Variants in MYO18A observed in about 807,000 individuals in gnomAD.
MYO18A encodes the protein unconventional myosin-XVIIIa.
Under a neutral mutation model 235.8 loss-of-function variants are expected in MYO18A, and 78 were observed. The observed-to-expected ratio is 0.33, with a 90% CI of 0.28 to 0.40. MYO18A has a LOEUF of 0.40. Ranked by LOEUF, MYO18A falls within the 10% of genes least tolerant of loss-of-function variation. MYO18A has a pLI of 1.00. For synonymous variants in MYO18A, 977 were observed against 1,077.8 expected, an observed-to-expected ratio of 0.91 and a Z score of 1.83; for missense variants, 2,215 against 2,699.3, an observed-to-expected ratio of 0.82 and a Z score of 3.98.
chr17:29,133,241 C>G (rs7225149), intron 2 of MYO18A, among the ~76,000 whole-genome samples: 73,665 of 152,122 alleles, frequency 0.48, 18,612 homozygotes, highest in African/African-American at 0.64. Context: ...CTGACTCACT[C>G]CTCCCTCCCC....
At chr17:29,165,667 G>C (rs1332419132) in intron 2 of MYO18A, among the ~76,000 whole-genome samples, 1 of 152,182 alleles carries the variant, frequency 6.6e-6, no homozygotes, top group African/African-American at 2.4e-5. Flanking sequence ...GTTGAGAGAC[G>C]AAGGTGTGAC....
intron 2 of MYO18A, among the ~76,000 whole-genome samples, chr17:29,148,903 G>A (rs1309474461): frequency 6.6e-6 from 1 of 152,192 alleles, no homozygotes; most frequent in Non-Finnish European, 1.5e-5. Flanking sequence ...CCCAGGCCCG[G>A]GGCGGCACTT....
intron 15 of MYO18A, among the ~76,000 whole-genome samples, chr17:29,112,540 C>T (rs2066957224): frequency 6.6e-6 from 1 of 152,268 alleles, no homozygotes; most frequent in African/African-American, 2.4e-5. Flanking sequence ...ACTGGCCTAG[C>T]ATTGATAAAC....
chr17:29,154,166 T>TG (rs1361097314), intron 2 of MYO18A, among the ~76,000 whole-genome samples: 1 of 150,916 alleles, frequency 6.6e-6, no homozygotes, highest in African/African-American at 2.5e-5. Context: ...ATTCCTAAGC[T>TG]GGGTGTCCTG....
chr17:29,173,481 G>A (rs1393866423), intron 1 of MYO18A, among the ~76,000 whole-genome samples: 22 of 149,728 alleles, frequency 1.5e-4, no homozygotes, highest in African/African-American at 4.9e-4. Flanking sequence ...TCCGCCTCCC[G>A]GGTTCACGCC....
chr17:29,130,955 C>A (rs1457400570), intron 2 of MYO18A, among the ~76,000 whole-genome samples: 1 of 152,132 alleles, frequency 6.6e-6, no homozygotes, highest in Non-Finnish European at 1.5e-5. Context: ...CTTGTGCCAC[C>A]CAGAGCAGGC....
chr17:29,121,819 C>T lies in MYO18A; in HGVS notation c.1194+32G>A, dbSNP rs764491426. 9 of 1,612,486 alleles carry T rather than the reference C, an allele frequency of 5.6e-6. No homozygotes were observed. The Admixed American group carries it at 1.5e-4, about 27-fold the overall frequency. On this transcript the variant is annotated intron_variant, in intron 4 of 41. Coordinates refer to ENST00000527372, the MANE Select transcript of MYO18A (RefSeq NM_078471.4). This position sits in a 1 kb window ranked among gnomAD's most constrained non-coding sequence, Gnocchi z 4.2. The stretch of plus-strand genomic sequence containing the variant: ...CCCTGCCCAGTGCACTCCTGAGCCT[C>T]CTCCCCCACACCCAGCCCCCTGCCC...
At chr17:29,145,180 C>T (rs753106151) in intron 2 of MYO18A, among the ~76,000 whole-genome samples, 4 of 152,178 alleles carry the variant, frequency 2.6e-5, no homozygotes, top group Non-Finnish European at 5.9e-5. Context: ...TTTCCTACTT[C>T]CTTTATATCC....
chr17:29,119,612 G>T (rs1307863783), intron 7 of MYO18A, among the ~76,000 whole-genome samples, 177 bp from the exon 8 acceptor site: 6 of 150,580 alleles, frequency 4.0e-5, no homozygotes, highest in African/African-American at 1.5e-4. Context: ...CACTCAGGCT[G>T]GAGTGCAGTG....
chr17:29,118,006 AG>A lies in MYO18A; in HGVS notation c.2038+38del. ...GGGCAGGGTCCCTGTGAGGTCACCC[AG>A]GGGACAGGCCAGCCTACTGGGACCC... On this transcript the variant is annotated intron_variant, in intron 10 of 41. Coordinates refer to ENST00000527372, the MANE Select transcript of MYO18A (RefSeq NM_078471.4). This position sits in a 1 kb window ranked among gnomAD's most constrained non-coding sequence, Gnocchi z 4.2. 1.3e-6 allele frequency: 2 copies of A among 1,557,410 alleles called. No homozygotes were observed. The highest frequency in any genetic ancestry group is 1.2e-5 in the South Asian group (1 of 84,154).
chr17:29,174,528 T>A (rs1346081189), intron 1 of MYO18A, among the ~76,000 whole-genome samples: 1 of 151,656 alleles, frequency 6.6e-6, no homozygotes, highest in Non-Finnish European at 1.5e-5. Flanking sequence ...TAAAAAAAAA[T>A]AAAATGCTGG....
chr17:29,169,448 G>A (rs2068352531), intron 1 of MYO18A, among the ~76,000 whole-genome samples: 1 of 152,164 alleles, frequency 6.6e-6, no homozygotes, highest in Admixed American at 6.5e-5. Flanking sequence ...GCCTTGGCCA[G>A]GTAGGTCTGG....
At chr17:29,144,391 T>C (rs745370018) in intron 2 of MYO18A, among the ~76,000 whole-genome samples, 3 of 152,212 alleles carry the variant, frequency 2.0e-5, no homozygotes, top group Non-Finnish European at 2.9e-5. Context: ...CTACCTTGGC[T>C]GACCCTCTCC....
At chr17:29,091,730 A>ACCAGC (rs1179157801) in intron 34 of MYO18A, 2 of 453,214 alleles carry the variant, frequency 4.4e-6, no homozygotes, top group Non-Finnish European at 8.8e-6. Flanking sequence ...CCATGAAGCC[A>ACCAGC]CCAGCCCAGC....
Position 29,074,689 on chromosome 17 carries a change from C to T in MYO18A, c.*81G>A, listed in dbSNP as rs547713541. The T allele has an allele frequency of 2.0e-4, 300 of 1,494,468 alleles. No homozygotes were observed. Among genetic ancestry groups the T allele is most frequent in the Non-Finnish European group, 2.4e-4 (261 of 1,078,544 alleles). 92.6% of individuals were successfully genotyped at this position (1,494,468 alleles called of 1,614,324 possible). On this transcript the variant is annotated 3_prime_UTR_variant, in exon 42 of 42. Coordinates refer to ENST00000527372, the MANE Select transcript of MYO18A (RefSeq NM_078471.4). The surrounding 1 kb of genome is among the most constrained non-coding windows in gnomAD (Gnocchi z 4.4). ...AGATCAGCAGTCGGGTGGGGGAGAC[C>T]GGTGCCCCACCACTTCCTGGGAGAG...
intron 15 of MYO18A, among the ~76,000 whole-genome samples, chr17:29,112,152 G>A (rs150473271): frequency 1.1e-4 from 17 of 152,308 alleles, no homozygotes; most frequent in East Asian, 5.8e-4. Context: ...GCCCGAGCCC[G>A]CGCCCCGAGG....
At chr17:29,179,220 G>A (rs1263590237) in intron 1 of MYO18A, among the ~76,000 whole-genome samples, 1 of 152,098 alleles carries the variant, frequency 6.6e-6, no homozygotes, top group Non-Finnish European at 1.5e-5. Flanking sequence ...CAGGCAAAAT[G>A]AATACCCGCT....
At chr17:29,169,046 T>G (rs1316987655) in intron 1 of MYO18A, among the ~76,000 whole-genome samples, 9 of 152,032 alleles carry the variant, frequency 5.9e-5, no homozygotes, top group Non-Finnish European at 1.0e-4. Flanking sequence ...GGCACACGCC[T>G]GTAATCCCAG....
intron 2 of MYO18A, among the ~76,000 whole-genome samples, chr17:29,123,136 C>T (rs190909877): frequency 3.9e-5 from 6 of 152,278 alleles, no homozygotes; most frequent in East Asian, 3.9e-4. Flanking sequence ...TAGGTACTGA[C>T]GGTGTGGGGC....
Sources: gnomAD v4.1 joint callset for allele counts (sites outside exome capture counted in the v4.1 genomes callset) on GRCh38, gnomAD v4.1.1 for gene constraint, Gnocchi (gnomAD v3.1) non-coding constraint, MANE v1.5 for transcripts, NCBI Gene and HGNC (gene_info 2026-07-23, HGNC 2026-07-21) for gene names.